DMXL2: variants seen among roughly 807,000 people sequenced by gnomAD.
DMXL2 encodes dmX-like protein 2.
A neutral mutation model predicts 331.1 loss-of-function variants in DMXL2; 103 were observed. The observed-to-expected ratio is 0.31, with a 90% CI of 0.27 to 0.37. The LOEUF is 0.37. Among genes scored for constraint, DMXL2 ranks in the 10% least tolerant of loss-of-function variants. DMXL2 has a pLI of 1.00. For synonymous variants in DMXL2, 1,281 were observed against 1,252.1 expected, an observed-to-expected ratio of 1.02 and a Z score of -0.49; for missense variants, 3,171 against 3,642.9, an observed-to-expected ratio of 0.87 and a Z score of 3.33.
chr15:51,491,341 T>C (rs2042780337), intron 20 of DMXL2, among the ~76,000 whole-genome samples: 1 of 152,012 alleles, frequency 6.6e-6, no homozygotes. Flanking sequence ...CTCAGAAGGC[T>C]GAGGCAGGAA....
chr15:51,506,905 G>A lies in DMXL2; in HGVS notation c.2764+229C>T, dbSNP rs563737043. ...ATATTCACTGAAAAAAATAAACAAA[G>A]CTTTTATTTTTTTTCAATATGTCTA... On this transcript the variant is annotated intron_variant, in intron 16 of 43. Transcript: ENST00000560891. Among the ~76,000 whole-genome samples the A allele has an allele frequency of 4.6e-5, 7 of 152,164 alleles. No individual in the cohort carries two copies. The East Asian group carries it at 7.7e-4, about 17-fold the overall frequency.
intron 2 of DMXL2, among the ~76,000 whole-genome samples, chr15:51,570,639 C>T (rs966830794): frequency 6.6e-6 from 1 of 152,154 alleles, no homozygotes; most frequent in Non-Finnish European, 1.5e-5. Context: ...GGCCAATATT[C>T]AACATTCTTA....
At chr15:51,556,501 A>C (rs185597432) in intron 6 of DMXL2, among the ~76,000 whole-genome samples, 68 of 150,764 alleles carry the variant, frequency 4.5e-4, no homozygotes, top group African/African-American at 1.5e-3. Context: ...GGCCGGGCAC[A>C]GTGGCTCATG....
chr15:51,536,119 A>C, intron 12 of DMXL2, 47 bp downstream of exon 12: 1 of 1,435,530 alleles, frequency 7.0e-7, no homozygotes. Flanking sequence ...ATAACAAATA[A>C]TAGTTTAAAA....
At chr15:51,490,369 C>T (rs2042705456) in intron 20 of DMXL2, among the ~76,000 whole-genome samples, 1 of 152,158 alleles carries the variant, frequency 6.6e-6, no homozygotes, top group South Asian at 2.1e-4. Flanking sequence ...CCAGTTGAGT[C>T]TTCTCTGGGG....
rs763492213 is a variant in DMXL2 at position 51,580,546 on chromosome 15, C to T, written c.88-4365G>A. Among the ~76,000 whole-genome samples the T allele has an allele frequency of 5.9e-5, 9 of 152,288 alleles. No homozygotes were observed. In the South Asian group the frequency reaches 8.3e-4, roughly 14 times the overall value. On this transcript the variant is annotated intron_variant, in intron 1 of 43. Coordinates refer to ENST00000560891, the MANE Select transcript of DMXL2 (RefSeq NM_001378457.1). ...CTGACCTGTGCCAGAGCACAATATA[C>T]GAGTGTACTGCTCTTCTAACAGTAC...
intron 19 of DMXL2, among the ~76,000 whole-genome samples, chr15:51,493,959 T>G (rs1304889844): frequency 6.6e-6 from 1 of 152,192 alleles, no homozygotes; most frequent in Non-Finnish European, 1.5e-5. Flanking sequence ...ACGTAGTACG[T>G]GTATACAAAC....
At chr15:51,604,062 C>A (rs185093377) in intron 1 of DMXL2, among the ~76,000 whole-genome samples, 1 of 151,788 alleles carries the variant, frequency 6.6e-6, no homozygotes, top group Non-Finnish European at 1.5e-5. Flanking sequence ...TATACCATAA[C>A]GAAGTGGGGC....
At chr15:51,591,025 T>G (rs1595653945) in intron 1 of DMXL2, among the ~76,000 whole-genome samples, 1 of 152,102 alleles carries the variant, frequency 6.6e-6, no homozygotes, top group African/African-American at 2.4e-5. Flanking sequence ...AGATGGGTGA[T>G]TTCTGCATTT....
intron 15 of DMXL2, among the ~76,000 whole-genome samples, chr15:51,507,564 T>A (rs1034195311): frequency 4.6e-5 from 7 of 151,938 alleles, no homozygotes; most frequent in African/African-American, 1.5e-4. Context: ...TATTACAAAC[T>A]ATGAGTTCAC....
At chr15:51,586,341 C>T (rs564075824) in intron 1 of DMXL2, among the ~76,000 whole-genome samples, 3 of 151,740 alleles carry the variant, frequency 2.0e-5, no homozygotes, top group African/African-American at 7.3e-5. Flanking sequence ...GGTGCTATGT[C>T]GAGGGAAACA....
At chr15:51,621,559 C>T (rs2054627281) in intron 1 of DMXL2, among the ~76,000 whole-genome samples, 1 of 152,200 alleles carries the variant, frequency 6.6e-6, no homozygotes, top group African/African-American at 2.4e-5. Flanking sequence ...GGGAGTCTAT[C>T]TATGAGTAAA....
rs1022947958 is a variant in DMXL2 at position 51,550,695 on chromosome 15, A to T, written c.568-3287T>A. Among the ~76,000 whole-genome samples the T allele has an allele frequency of 9.8e-4, 149 of 152,276 alleles. 2 individuals carry two copies. The highest frequency in any genetic ancestry group is 3.4e-3 in the African/African-American group (143 of 41,570). On this transcript the variant is annotated intron_variant, in intron 6 of 43. Coordinates refer to ENST00000560891, the MANE Select transcript of DMXL2 (RefSeq NM_001378457.1). Reference sequence around the variant, plus strand: ...GTTATTTTTTAAAATGTTCCAATACAAACTTTATGAACATAAACGAATAGA... The same window carrying T: ...GTTATTTTTTAAAATGTTCCAATACTAACTTTATGAACATAAACGAATAGA...
rs1004483123 is a variant in DMXL2, at chr15:51,499,191, G to T, written c.4033C>A (p.Pro1345Thr). 2 of 1,614,034 alleles carry T rather than the reference G, an allele frequency of 1.2e-6. No individual in the cohort carries two copies. The highest frequency in any genetic ancestry group is 1.7e-6 in the Non-Finnish European group (2 of 1,180,002). Residue 1345 changes from proline to threonine, a missense_variant, in exon 18 of 44, where the codon CCA becomes ACA. By Grantham distance (38) the Pro-to-Thr change is conservative. Coordinates refer to ENST00000560891, the MANE Select transcript of DMXL2 (RefSeq NM_001378457.1). Reference protein sequence around the residue: ...EAAHVLSPTLPQYHPTQLLEL... With the variant: ...EAAHVLSPTLTQYHPTQLLEL... ...AACAGCTGAGTTGGATGATATTGTG[G>T]AAGAGTAGGGGAAAGTACATGTGCA...
At chr15:51,494,958 T>C in intron 19 of DMXL2, 66 bp downstream of exon 19, 1 of 1,166,012 alleles carries the variant, frequency 8.6e-7, no homozygotes, top group Non-Finnish European at 1.3e-6. Context: ...CACACAAACA[T>C]GATACACCCC....
intron 13 of DMXL2, among the ~76,000 whole-genome samples, chr15:51,533,579 T>C (rs543215254): frequency 9.8e-5 from 15 of 152,344 alleles, no homozygotes; most frequent in African/African-American, 3.1e-4. Flanking sequence ...GCTTAATGTC[T>C]ACCTAGTACA....
intron 3 of DMXL2, among the ~76,000 whole-genome samples, chr15:51,565,792 C>A (rs1470225936): frequency 6.6e-6 from 1 of 152,102 alleles, no homozygotes; most frequent in Non-Finnish European, 1.5e-5. Flanking sequence ...CTTTGCAAAG[C>A]TATGTTACCT....
intron 13 of DMXL2, among the ~76,000 whole-genome samples, chr15:51,527,170 T>C (rs2047720211): frequency 6.6e-6 from 1 of 151,910 alleles, no homozygotes; most frequent in Non-Finnish European, 1.5e-5. Context: ...TAACATACAG[T>C]GGAGCTCCAA....
chr15:51,497,102 G>A (rs1054044068), intron 18 of DMXL2, among the ~76,000 whole-genome samples: 6 of 152,166 alleles, frequency 3.9e-5, no homozygotes, highest in Admixed American at 3.3e-4. Flanking sequence ...CACAACACAA[G>A]CTTAAGGTTG....
Sources: gnomAD v4.1 joint callset for allele counts (sites outside exome capture counted in the v4.1 genomes callset) on GRCh38, gnomAD v4.1.1 for gene constraint, MANE v1.5 for transcripts, NCBI Gene and HGNC (gene_info 2026-07-23, HGNC 2026-07-21) for gene names.